PCDHGA1: variants seen among roughly 807,000 people sequenced by gnomAD.
PCDHGA1 encodes protocadherin gamma subfamily A, 1, also known as protocadherin gamma-A1.
Under a neutral mutation model 58.0 loss-of-function variants are expected in PCDHGA1, and 32 were observed. The observed-to-expected ratio is 0.55, with a 90% CI of 0.42 to 0.74. The LOEUF (loss-of-function observed/expected upper bound fraction) is 0.74, where lower values mean the gene tolerates loss of function less well. Ranked by LOEUF, PCDHGA1 falls within the 30% of genes least tolerant of loss-of-function variation. The pLI, the probability that PCDHGA1 is intolerant of heterozygous loss-of-function variation, is 0.00. For synonymous variants in PCDHGA1, 498 were observed against 501.1 expected, an observed-to-expected ratio of 0.99 and a Z score of 0.08; for missense variants, 1,205 against 1,182.3, an observed-to-expected ratio of 1.02 and a Z score of -0.28.
intron 1 of PCDHGA1, chr5:141,383,567 C>A (rs752569196): frequency 6.2e-7 from 1 of 1,613,214 alleles, no homozygotes; most frequent in Non-Finnish European, 8.5e-7. Context: ...CCGCCCCGAT[C>A]CAGCACCGCC....
chr5:141,372,646 C>G (rs1768939732), intron 1 of PCDHGA1: 1 of 1,614,008 alleles, frequency 6.2e-7, no homozygotes, highest in Non-Finnish European at 8.5e-7. Context: ...TTGCCTTATT[C>G]CTACAATCCG....
Position 141,340,978 on chromosome 5 carries a change from C to T in PCDHGA1, c.2421+7873C>T, listed in dbSNP as rs752667791. 9 of 1,613,966 alleles carry T rather than the reference C, an allele frequency of 5.6e-6. No homozygotes were observed. In the South Asian group the frequency reaches 6.6e-5, roughly 12 times the overall value. ...CCGTGGCCGTGGCCGACAGGATCCC[C>T]GACATCCTGGCCGACCTGGGCAGCC... On this transcript the variant is annotated intron_variant, in intron 1 of 3. Coordinates refer to ENST00000517417, the MANE Select transcript of PCDHGA1 (RefSeq NM_018912.3).
At chr5:141,409,181 C>T (rs1280456560) in intron 1 of PCDHGA1, 2 of 1,613,992 alleles carry the variant, frequency 1.2e-6, no homozygotes, top group Non-Finnish European at 1.7e-6. Flanking sequence ...CGGAGGTGGT[C>T]TCTCTACCCA....
intron 1 of PCDHGA1, among the ~76,000 whole-genome samples, chr5:141,448,146 C>G (rs1375402473): frequency 6.6e-6 from 1 of 151,942 alleles, no homozygotes; most frequent in Non-Finnish European, 1.5e-5. Flanking sequence ...ATACCTCAGA[C>G]TCACCCCTGA....
chr5:141,371,489 C>G (rs548103153), intron 1 of PCDHGA1: 1 of 1,613,918 alleles, frequency 6.2e-7, no homozygotes, highest in Non-Finnish European at 8.5e-7. Context: ...TGGGGACTGC[C>G]GTTGCCCTGA....
At chr5:141,398,496 C>G (rs1435117425) in intron 1 of PCDHGA1, 2 of 1,608,668 alleles carry the variant, frequency 1.2e-6, no homozygotes, top group Admixed American at 1.7e-5. Context: ...ATGTGGAGAT[C>G]GAGGACATTA....
rs182104750 is a variant in PCDHGA1 at position 141,376,315 on chromosome 5, A to C, written c.2421+43210A>C. 8.5e-4 allele frequency: 1,369 copies of C among 1,614,156 alleles called. 7 individuals are homozygous for C. The Middle Eastern group carries it at 0.016, about 18-fold the overall frequency. On this transcript the variant is annotated intron_variant, in intron 1 of 3. Coordinates refer to ENST00000517417, the MANE Select transcript of PCDHGA1 (RefSeq NM_018912.3). ...CCGGCTCGCACTTTGTGGGCGTGGA[A>C]GGGGTTCGGGCTTTCCTGCAGACCT...
rs1457099502 is a variant in PCDHGA1 at position 141,477,430 on chromosome 5, A to G, written c.2422-17377A>G. The G allele has an allele frequency of 1.2e-6, 2 of 1,614,162 alleles. No individual in the cohort carries two copies. The highest frequency in any genetic ancestry group is 1.7e-6 in the Non-Finnish European group (2 of 1,180,020). Reference sequence around the variant, plus strand: ...GAGACGCCGGAACCCCTTCCCTCTCAGCCCTTACAATAGTGCGTGTTCAAG... The same window carrying G: ...GAGACGCCGGAACCCCTTCCCTCTCGGCCCTTACAATAGTGCGTGTTCAAG... On this transcript the variant is annotated intron_variant, in intron 1 of 3. Transcript: ENST00000517417. This position sits in a 1 kb window ranked among gnomAD's most constrained non-coding sequence, Gnocchi z 4.9.
intron 1 of PCDHGA1, chr5:141,403,034 G>T (rs1589474195): frequency 1.9e-6 from 3 of 1,614,096 alleles, no homozygotes; most frequent in East Asian, 2.2e-5. Flanking sequence ...GGAGGCCAGG[G>T]CCAGTCAGAT....
intron 1 of PCDHGA1, chr5:141,409,633 TG>T: frequency 6.2e-7 from 1 of 1,613,852 alleles, no homozygotes; most frequent in Non-Finnish European, 8.5e-7. Context: ...TGAGCGCCTC[TG>T]ACCCGGATTT....
At chr5:141,382,839 T>TA in intron 1 of PCDHGA1, 1 of 1,450,270 alleles carries the variant, frequency 6.9e-7, no homozygotes, top group South Asian at 1.4e-5. Flanking sequence ...TCCACCCGGA[T>TA]ACACCCGCAT....
At chr5:141,499,648 CAT>C (rs1434824310) in intron 2 of PCDHGA1, among the ~76,000 whole-genome samples, 2 of 148,784 alleles carry the variant, frequency 1.3e-5, no homozygotes, top group Admixed American at 6.7e-5. Flanking sequence ...TCTCAGACAT[CAT>C]ATAATTTCAT....
At chr5:141,378,934 C>G (rs1228381656) in intron 1 of PCDHGA1, 3 of 152,166 alleles carry the variant, frequency 2.0e-5, no homozygotes, top group Non-Finnish European at 2.9e-5. Flanking sequence ...GTTGATGGCC[C>G]TGGAATGAAT....
chr5:141,421,457 C>T (rs377073702), intron 1 of PCDHGA1: 9 of 1,614,014 alleles, frequency 5.6e-6, no homozygotes, highest in African/African-American at 2.7e-5. Flanking sequence ...CAGCTTTTCG[C>T]TGTGAATCCG....
chr5:141,371,753 C>G, intron 1 of PCDHGA1: 1 of 1,614,050 alleles, frequency 6.2e-7, no homozygotes, highest in Non-Finnish European at 8.5e-7. Context: ...CCGTTTTCCA[C>G]CAGGCCTCCT....
Position 141,432,124 on chromosome 5 carries a change from C to G in PCDHGA1, c.2422-62683C>G, listed in dbSNP as rs1286909667. On this transcript the variant is annotated intron_variant, in intron 1 of 3. Transcript: ENST00000517417. The surrounding 1 kb of genome is among the most constrained non-coding windows in gnomAD (Gnocchi z 6.0). ...ACAACCCGCCGGTCTTCCCTCAGGC[C>G]TCCTATTCCGCTTATATCCCAGAGA... 6.2e-7 allele frequency: 1 copy of G among 1,614,156 alleles called. No homozygotes were observed. The highest frequency in any genetic ancestry group is 1.1e-5 in the South Asian group (1 of 91,066).
In PCDHGA1 at chr5:141,476,476, C is replaced by T; in HGVS notation, c.2422-18331C>T. 6.2e-7 allele frequency: 1 copy of T among 1,613,986 alleles called. No homozygotes were observed. The highest frequency in any genetic ancestry group is 8.5e-7 in the Non-Finnish European group (1 of 1,179,992). On this transcript the variant is annotated intron_variant, in intron 1 of 3. Transcript: ENST00000517417. The surrounding 1 kb of genome is among the most constrained non-coding windows in gnomAD (Gnocchi z 7.6). Reference sequence around the variant, plus strand: ...TGGAGAACCCGCTGGAGCTGTTCAGCGTGGAAGTGGTGATCCAGGACATCA... The same window carrying T: ...TGGAGAACCCGCTGGAGCTGTTCAGTGTGGAAGTGGTGATCCAGGACATCA...
chr5:141,436,120 TC>T (rs2154556955), intron 1 of PCDHGA1, among the ~76,000 whole-genome samples: 1 of 152,344 alleles, frequency 6.6e-6, no homozygotes, highest in South Asian at 2.1e-4. Context: ...GAAACCTCTC[TC>T]CTCCATCATC....
chr5:141,492,332 G>A (rs2099739439), intron 1 of PCDHGA1, among the ~76,000 whole-genome samples: 1 of 152,204 alleles, frequency 6.6e-6, no homozygotes. Flanking sequence ...GGGCTTACGC[G>A]AATACCAGCT....
Sources: allele counts gnomAD v4.1 joint callset (sites outside exome capture counted in the v4.1 genomes callset), GRCh38; gene constraint gnomAD v4.1.1; non-coding constraint Gnocchi (gnomAD v3.1); transcripts MANE v1.5; gene names NCBI Gene and HGNC (gene_info 2026-07-23, HGNC 2026-07-21).